The following ADAMTSL3 variants were observed in gnomAD, a reference collection of about 807,000 sequenced individuals.
ADAMTSL3 encodes the protein ADAMTS like 3, also known as ADAMTS-like protein 3.
ADAMTSL3 carries 128 observed loss-of-function variants against 201.7 expected under a neutral mutation model. The observed-to-expected ratio is 0.63, with a 90% CI of 0.55 to 0.73. The LOEUF (loss-of-function observed/expected upper bound fraction) is 0.73, where lower values mean the gene tolerates loss of function less well. Among genes scored for constraint, ADAMTSL3 ranks in the 30% least tolerant of loss-of-function variants. ADAMTSL3 has a pLI of 0.00. For synonymous variants in ADAMTSL3, 738 were observed against 748.4 expected (o/e 0.99, Z 0.23); for missense variants, 1,990 against 2,119.6 (o/e 0.94, Z 1.20).
chr15:83,903,934 A>AGGGAGGGAGGGAGG (rs1567226055), intron 15 of ADAMTSL3, among the ~76,000 whole-genome samples: 1 of 27,578 alleles, frequency 3.6e-5, no homozygotes, highest in Non-Finnish European at 5.6e-5. Flanking sequence ...AAAAAAAAAA[A>AGGGAGGGAGGGAGG]AAAAAAAAAA....
intron 3 of ADAMTSL3, among the ~76,000 whole-genome samples, chr15:83,772,872 A>T (rs1321940098): frequency 6.6e-6 from 1 of 151,944 alleles, no homozygotes; most frequent in Non-Finnish European, 1.5e-5. Flanking sequence ...CACTCAGCTG[A>T]TTTTTGTATT....
At chr15:83,796,398 A>G (rs2063427420) in intron 4 of ADAMTSL3, among the ~76,000 whole-genome samples, 1 of 152,248 alleles carries the variant, frequency 6.6e-6, no homozygotes, top group Non-Finnish European at 1.5e-5. Context: ...CTAAATAGAA[A>G]GCAAAATTTC....
chr15:83,958,090 C>T (rs2066893960), intron 19 of ADAMTSL3, among the ~76,000 whole-genome samples: 1 of 152,114 alleles, frequency 6.6e-6, no homozygotes, highest in South Asian at 2.1e-4. Flanking sequence ...AGACACTGTT[C>T]AGAAATGGCA....
intron 8 of ADAMTSL3, among the ~76,000 whole-genome samples, chr15:83,868,895 A>G (rs2065029260): frequency 6.6e-6 from 1 of 152,166 alleles, no homozygotes. Flanking sequence ...ATGCTGGCCT[A>G]TGGTTTAGGG....
At chr15:83,944,508 T>C (rs2066619321) in intron 19 of ADAMTSL3, among the ~76,000 whole-genome samples, 1 of 152,150 alleles carries the variant, frequency 6.6e-6, no homozygotes, top group Non-Finnish European at 1.5e-5. Flanking sequence ...CTAGGTTCAG[T>C]GCCAGGCATA....
At chr15:83,860,313 C>T (rs1246846307) in intron 8 of ADAMTSL3, among the ~76,000 whole-genome samples, 7 of 152,210 alleles carry the variant, frequency 4.6e-5, no homozygotes, top group Admixed American at 3.3e-4. Context: ...AAATACAAAA[C>T]CTTATCAGTG....
intron 7 of ADAMTSL3, among the ~76,000 whole-genome samples, chr15:83,858,028 A>T (rs1454001320): frequency 6.6e-6 from 1 of 152,248 alleles, no homozygotes; most frequent in Non-Finnish European, 1.5e-5. Flanking sequence ...GATTTCCAGT[A>T]GGTAATTGTC....
At chr15:83,858,944 A>AT in intron 8 of ADAMTSL3, 104 bp downstream of exon 8, 1 of 964,964 alleles carries the variant, frequency 1.0e-6, no homozygotes. Flanking sequence ...AAGCAAAAAA[A>AT]CTTTCTCTAA....
chr15:83,994,586 G>GTTTTTTTTTTTTTTTTTTTTTTTTT, intron 23 of ADAMTSL3, among the ~76,000 whole-genome samples: 1 of 50,230 alleles, frequency 2.0e-5, no homozygotes, highest in Non-Finnish European at 3.6e-5. Context: ...TTGTTTTTTC[G>GTTTTTTTTTTTTTTTTTTTTTTTTT]TTTTTTTTTT....
At chr15:83,685,123 C>T (rs745439879) in intron 2 of ADAMTSL3, among the ~76,000 whole-genome samples, 3 of 152,144 alleles carry the variant, frequency 2.0e-5, no homozygotes, top group African/African-American at 4.8e-5. Flanking sequence ...TGTTTACTGG[C>T]GTTTGCCTTT....
At chr15:83,972,428 T>G (rs968204401) in intron 20 of ADAMTSL3, among the ~76,000 whole-genome samples, 8 of 152,136 alleles carry the variant, frequency 5.3e-5, no homozygotes, top group South Asian at 2.1e-4. Context: ...TAATTGCGGA[T>G]GGTTGCATAG....
At chr15:84,032,561 T>C (rs1452675538) in intron 28 of ADAMTSL3, among the ~76,000 whole-genome samples, 2 of 152,236 alleles carry the variant, frequency 1.3e-5, no homozygotes, top group Admixed American at 6.5e-5. Flanking sequence ...CACAAAGATA[T>C]ACTTAAAGCA....
intron 4 of ADAMTSL3, among the ~76,000 whole-genome samples, chr15:83,789,454 T>C (rs1056307092): frequency 1.3e-5 from 2 of 152,118 alleles, no homozygotes; most frequent in African/African-American, 4.8e-5. Context: ...TTTGTCACTG[T>C]ATTTAAGGTT....
At chr15:83,659,093 A>G (rs1399581240) in intron 2 of ADAMTSL3, among the ~76,000 whole-genome samples, 1 of 152,114 alleles carries the variant, frequency 6.6e-6, no homozygotes, top group Non-Finnish European at 1.5e-5. Flanking sequence ...TACTGTTTAG[A>G]TTCTCTGGCA....
chr15:83,908,301 T>C (rs551847363), intron 15 of ADAMTSL3, among the ~76,000 whole-genome samples: 1 of 152,206 alleles, frequency 6.6e-6, no homozygotes, highest in South Asian at 2.1e-4. Context: ...CATAATAATA[T>C]TTCCTGATAC....
intron 3 of ADAMTSL3, among the ~76,000 whole-genome samples, chr15:83,711,870 T>G (rs1009802492): frequency 4.6e-5 from 7 of 152,056 alleles, no homozygotes; most frequent in African/African-American, 1.7e-4. Flanking sequence ...CTTCCTAAAC[T>G]CATATTTGGG....
At chr15:83,692,461 G>A (rs1277151507) in intron 2 of ADAMTSL3, among the ~76,000 whole-genome samples, 4 of 151,876 alleles carry the variant, frequency 2.6e-5, no homozygotes, top group South Asian at 4.2e-4. Context: ...CGAGGTGGGC[G>A]GATCACGAGG....
chr15:83,737,533 G>C (rs2062387683), intron 3 of ADAMTSL3, among the ~76,000 whole-genome samples: 1 of 152,110 alleles, frequency 6.6e-6, no homozygotes, highest in Non-Finnish European at 1.5e-5. Flanking sequence ...TTCTCCTTCT[G>C]CCATGCTTAT....
At chr15:83,703,405 G>C (rs985103757) in intron 2 of ADAMTSL3, among the ~76,000 whole-genome samples, 1 of 152,122 alleles carries the variant, frequency 6.6e-6, no homozygotes, top group Non-Finnish European at 1.5e-5. Flanking sequence ...GAGTGATATG[G>C]TTTGGCTCTG....
Sources: allele counts gnomAD v4.1 joint callset (sites outside exome capture counted in the v4.1 genomes callset), GRCh38; gene constraint gnomAD v4.1.1; transcripts MANE v1.5; gene names NCBI Gene and HGNC (gene_info 2026-07-23, HGNC 2026-07-21).